The following TMEM132B variants were observed in gnomAD, a reference collection of about 807,000 sequenced individuals.
TMEM132B encodes the protein transmembrane protein 132B.
In TMEM132B, 18 loss-of-function variants were observed where a neutral mutation model predicts 90.8. That is an observed-to-expected ratio of 0.20 (90% CI 0.14 to 0.29). TMEM132B has a LOEUF of 0.29. TMEM132B is among the 10% of genes least tolerant of loss of function. The pLI is 1.00. For missense variants in TMEM132B, 1,096 were observed against 1,326.8 expected, an observed-to-expected ratio of 0.83 and a Z score of 2.70; for synonymous variants, 504 against 523.3, an observed-to-expected ratio of 0.96 and a Z score of 0.50.
chr12:125,189,852 C>G (rs938011416), intron 1 of TMEM132B, among the ~76,000 whole-genome samples: 4 of 152,136 alleles, frequency 2.6e-5, no homozygotes, highest in African/African-American at 9.7e-5. Context: ...TTTCAGGGGC[C>G]TTGTTCCCAG....
chr12:125,345,652 G>A (rs1386000307), intron 1 of TMEM132B, among the ~76,000 whole-genome samples: 2 of 152,170 alleles, frequency 1.3e-5, no homozygotes, highest in Non-Finnish European at 2.9e-5. Context: ...TAGCCACAGA[G>A]CATCTGTCTG....
At chr12:125,635,643 T>C (rs1886462467) in intron 5 of TMEM132B, among the ~76,000 whole-genome samples, 1 of 152,208 alleles carries the variant, frequency 6.6e-6, no homozygotes, top group Non-Finnish European at 1.5e-5. Flanking sequence ...TTATAATCCT[T>C]TGGGTATGTA....
At chr12:125,255,525 C>T (rs919479197) in intron 1 of TMEM132B, among the ~76,000 whole-genome samples, 2 of 152,214 alleles carry the variant, frequency 1.3e-5, no homozygotes, top group Middle Eastern at 3.4e-3. Context: ...GATGCCTTTT[C>T]GTCTCCTAAA....
intron 2 of TMEM132B, among the ~76,000 whole-genome samples, chr12:125,375,573 C>A (rs1039683481): frequency 6.6e-6 from 1 of 152,154 alleles, no homozygotes; most frequent in African/African-American, 2.4e-5. Context: ...AGCTACGTTA[C>A]GTAATTAGTG....
At chr12:125,468,780 T>TA (rs74754817) in intron 3 of TMEM132B, among the ~76,000 whole-genome samples, 2 of 152,230 alleles carry the variant, frequency 1.3e-5, no homozygotes. Flanking sequence ...TCAATGGTTT[T>TA]AAAAAAAATT....
chr12:125,439,070 A>G (rs1424349181), intron 3 of TMEM132B, among the ~76,000 whole-genome samples: 4 of 151,870 alleles, frequency 2.6e-5, no homozygotes, highest in Admixed American at 2.0e-4. Context: ...GCCCTGTAGT[A>G]TATCGTTTGA....
chr12:125,369,772 G>A (rs1461497686), intron 2 of TMEM132B, among the ~76,000 whole-genome samples: 1 of 152,178 alleles, frequency 6.6e-6, no homozygotes, highest in African/African-American at 2.4e-5. Context: ...TTAATGGGCC[G>A]GGCGTGGTGG....
At chr12:125,334,851 C>T (rs751784416) in intron 1 of TMEM132B, among the ~76,000 whole-genome samples, 6 of 152,220 alleles carry the variant, frequency 3.9e-5, no homozygotes, top group Non-Finnish European at 5.9e-5. Context: ...AGTTCAAAGA[C>T]ACAACTCTTA....
intron 5 of TMEM132B, among the ~76,000 whole-genome samples, chr12:125,622,131 T>C (rs1368729950): frequency 2.0e-5 from 3 of 152,148 alleles, no homozygotes; most frequent in African/African-American, 4.8e-5. Flanking sequence ...CCCACCTTCC[T>C]CATTTAGGTC....
At chr12:125,381,503 A>G (rs1181225052) in intron 2 of TMEM132B, among the ~76,000 whole-genome samples, 1 of 152,168 alleles carries the variant, frequency 6.6e-6, no homozygotes, top group Non-Finnish European at 1.5e-5. Flanking sequence ...CTCCCTTCCC[A>G]ATTGGTTGAA....
chr12:125,282,593 G>T lies in TMEM132B; in HGVS notation c.68-66859G>T, dbSNP rs192012264. On this transcript the variant is annotated intron_variant, in intron 1 of 8. Transcript: ENST00000682704. ...TGTGAGGCCCAAGGGCAGCTATGTT[G>T]TCCCCTCCCCTTTGTTGGGGACAAA... Among the ~76,000 whole-genome samples the T allele has an allele frequency of 1.7e-4, 26 of 152,266 alleles. No individual in the cohort carries two copies. In the East Asian group the frequency reaches 4.0e-3, roughly 24 times the overall value.
intron 1 of TMEM132B, among the ~76,000 whole-genome samples, chr12:125,324,149 A>G (rs550520138): frequency 6.6e-6 from 1 of 152,350 alleles, no homozygotes; most frequent in South Asian, 2.1e-4. Flanking sequence ...TCTCTGCAAA[A>G]TGTCAAATCT....
At chr12:125,401,998 C>T (rs1053308854) in intron 2 of TMEM132B, among the ~76,000 whole-genome samples, 1 of 152,096 alleles carries the variant, frequency 6.6e-6, no homozygotes, top group Non-Finnish European at 1.5e-5. Flanking sequence ...TACAATATTG[C>T]AGTTCTCATT....
At chr12:125,327,036 T>C (rs1411365317) in intron 1 of TMEM132B, among the ~76,000 whole-genome samples, 1 of 152,074 alleles carries the variant, frequency 6.6e-6, no homozygotes, top group Non-Finnish European at 1.5e-5. Flanking sequence ...CTCTGCAGGC[T>C]TGCCCCCTGC....
intron 5 of TMEM132B, 98 bp downstream of exon 5, chr12:125,584,092 C>A (rs1460519686): frequency 6.4e-7 from 1 of 1,564,810 alleles, no homozygotes; most frequent in South Asian, 1.1e-5. Flanking sequence ...GCATCCCATG[C>A]TCTAAAGGGC....
At chr12:125,356,735 T>C (rs1303113640) in intron 2 of TMEM132B, among the ~76,000 whole-genome samples, 1 of 152,200 alleles carries the variant, frequency 6.6e-6, no homozygotes, top group Non-Finnish European at 1.5e-5. Context: ...GGACCTGTTA[T>C]CTCCCATGAC....
chr12:125,515,472 C>T (rs1240723877), intron 3 of TMEM132B, among the ~76,000 whole-genome samples: 1 of 113,974 alleles, frequency 8.8e-6, no homozygotes, highest in Non-Finnish European at 1.6e-5. Flanking sequence ...GAAACACATT[C>T]ACACATTGTC....
At chr12:125,509,020 G>A (rs982213955) in intron 3 of TMEM132B, among the ~76,000 whole-genome samples, 1 of 152,022 alleles carries the variant, frequency 6.6e-6, no homozygotes. Context: ...CTGGCCTTAA[G>A]TGACCCTCCC....
intron 2 of TMEM132B, among the ~76,000 whole-genome samples, chr12:125,358,786 T>C (rs1260967307): frequency 6.6e-6 from 1 of 152,230 alleles, no homozygotes; most frequent in African/African-American, 2.4e-5. Context: ...CCCTTTGTAG[T>C]TGGTAATAAT....
Sources: gnomAD v4.1 joint callset for allele counts (sites outside exome capture counted in the v4.1 genomes callset) on GRCh38, gnomAD v4.1.1 for gene constraint, MANE v1.5 for transcripts, NCBI Gene and HGNC (gene_info 2026-07-23, HGNC 2026-07-21) for gene names.